Variants in TAFA2 observed in about 807,000 individuals in gnomAD.
The protein encoded by TAFA2 is TAFA chemokine like family member 2.
In TAFA2, 7 loss-of-function variants were observed where a neutral mutation model predicts 18.8. That is an observed-to-expected ratio of 0.37 (90% CI 0.21 to 0.70). The LOEUF is 0.70. TAFA2 is among the 30% of genes least tolerant of loss of function. The pLI is 0.53. For synonymous variants in TAFA2, 60 were observed against 54.2 expected, an observed-to-expected ratio of 1.11 and a Z score of -0.47; for missense variants, 122 against 158.1, an observed-to-expected ratio of 0.77 and a Z score of 1.23.
chr12:62,001,931 C>T (rs17653338), intron 1 of TAFA2, among the ~76,000 whole-genome samples: 30,713 of 152,108 alleles, frequency 0.2, 3,207 homozygotes, highest in Admixed American at 0.24. Context: ...ACAAATAAAA[C>T]TTGGAATCAA....
At chr12:62,247,795 C>T (rs758876411) in intron 1 of TAFA2, among the ~76,000 whole-genome samples, 1 of 151,492 alleles carries the variant, frequency 6.6e-6, no homozygotes. Flanking sequence ...GCAAATGACA[C>T]ATTCAGTTGT....
chr12:62,110,206 G>A (rs750386529), intron 1 of TAFA2, among the ~76,000 whole-genome samples: 75 of 151,914 alleles, frequency 4.9e-4, no homozygotes, highest in Non-Finnish European at 9.4e-4. Context: ...GAATTTTATC[G>A]AAGGCCTTTT....
chr12:61,777,436 GGA>G (rs1207146443), intron 2 of TAFA2, among the ~76,000 whole-genome samples: 1 of 151,682 alleles, frequency 6.6e-6, no homozygotes, highest in Admixed American at 6.6e-5. Flanking sequence ...ATAAATTCAG[GGA>G]GAGTCCAATT....
At chr12:61,890,021 C>G (rs1413191187) in intron 1 of TAFA2, among the ~76,000 whole-genome samples, 1 of 152,130 alleles carries the variant, frequency 6.6e-6, no homozygotes, top group Non-Finnish European at 1.5e-5. Flanking sequence ...AAATGAACAC[C>G]AAAAATAGCC....
At chr12:62,039,463 G>A (rs1054145872) in intron 1 of TAFA2, among the ~76,000 whole-genome samples, 3 of 152,194 alleles carry the variant, frequency 2.0e-5, no homozygotes, top group East Asian at 3.9e-4. Flanking sequence ...TTTTCACTGG[G>A]TTCTTACTCA....
intron 1 of TAFA2, among the ~76,000 whole-genome samples, chr12:61,886,561 C>T: frequency 6.6e-6 from 1 of 152,132 alleles, no homozygotes; most frequent in East Asian, 1.9e-4. Flanking sequence ...AGAATGGATC[C>T]TGAGAACACA....
intron 2 of TAFA2, among the ~76,000 whole-genome samples, chr12:61,799,327 C>T (rs1175597217): frequency 6.6e-6 from 1 of 152,034 alleles, no homozygotes; most frequent in Non-Finnish European, 1.5e-5. Flanking sequence ...GTGTTATTAA[C>T]CATTTAGACT....
chr12:61,984,381 C>T (rs1162610583), intron 1 of TAFA2, among the ~76,000 whole-genome samples: 1 of 152,198 alleles, frequency 6.6e-6, no homozygotes, highest in Non-Finnish European at 1.5e-5. Context: ...TTGTCATTCA[C>T]GTAGCTCTTT....
At chr12:61,948,529 T>C (rs970239343) in intron 1 of TAFA2, among the ~76,000 whole-genome samples, 3 of 152,112 alleles carry the variant, frequency 2.0e-5, no homozygotes, top group Non-Finnish European at 2.9e-5. Context: ...ACTTTAAAGA[T>C]TGACTAATAT....
In TAFA2 at chr12:62,143,430, G is replaced by A. The variant is rs370645223; in HGVS notation, c.-2+47829C>T. Among the ~76,000 whole-genome samples the A allele has an allele frequency of 8.5e-5, 13 of 152,116 alleles. No homozygotes were observed. The East Asian group carries it at 1.3e-3, about 16-fold the overall frequency. ...TAGGCCTTAAAACTAATTATAAAAC[G>A]GAATTTTTTCCCCTGCTGAAATTCT... On this transcript the variant is annotated intron_variant, in intron 1 of 4. Coordinates refer to ENST00000416284, the MANE Select transcript of TAFA2 (RefSeq NM_178539.5).
intron 1 of TAFA2, among the ~76,000 whole-genome samples, chr12:61,974,311 T>C (rs1260624159): frequency 6.6e-6 from 1 of 151,766 alleles, no homozygotes; most frequent in Non-Finnish European, 1.5e-5. Flanking sequence ...GATTAAATGA[T>C]TGAATAATTT....
intron 1 of TAFA2, among the ~76,000 whole-genome samples, chr12:61,887,712 A>G (rs1220564206): frequency 6.7e-6 from 1 of 150,264 alleles, no homozygotes; most frequent in Non-Finnish European, 1.5e-5. Flanking sequence ...GCGATAGTTT[A>G]CTGAGAATGA....
chr12:62,070,359 G>A (rs1882597839), intron 1 of TAFA2: 2 of 152,160 alleles, frequency 1.3e-5, no homozygotes, highest in South Asian at 4.1e-4. Flanking sequence ...GTGAAAAATG[G>A]CATTAAAATA....
rs191630829 is a variant in TAFA2 at position 61,779,173 on chromosome 12, C to G, written c.107-24149G>C. On this transcript the variant is annotated intron_variant, in intron 2 of 4. Transcript: ENST00000416284. ...ATGTTGCATTTAAAGGAACGTTTTT[C>G]TTCTTAAATTATGCTTAAAAGATAG... Among the ~76,000 whole-genome samples the G allele has an allele frequency of 1.5e-4, 23 of 151,886 alleles. No homozygotes were observed. The East Asian group carries it at 4.3e-3, about 28-fold the overall frequency.
At chr12:61,772,022 C>T (rs1293171071) in intron 2 of TAFA2, among the ~76,000 whole-genome samples, 1 of 151,498 alleles carries the variant, frequency 6.6e-6, no homozygotes, top group Non-Finnish European at 1.5e-5. Context: ...TCCAAATAAG[C>T]TCAATTAGAA....
At chr12:61,816,700 A>G (rs1204750938) in intron 2 of TAFA2, among the ~76,000 whole-genome samples, 1 of 151,252 alleles carries the variant, frequency 6.6e-6, no homozygotes, top group African/African-American at 2.5e-5. Context: ...TATTTTTCAG[A>G]AATTGACAAG....
At chr12:62,249,272 T>TA (rs35144994) in intron 1 of TAFA2, among the ~76,000 whole-genome samples, 46,580 of 136,892 alleles carry the variant, frequency 0.34, 8,039 homozygotes, top group East Asian at 0.52. Context: ...TTTTTTTTCC[T>TA]AAAAAAAAAA....
intron 2 of TAFA2, among the ~76,000 whole-genome samples, chr12:61,840,954 A>T (rs1327056341): frequency 6.6e-6 from 1 of 152,126 alleles, no homozygotes; most frequent in East Asian, 1.9e-4. Context: ...AAAAGTGTCA[A>T]GATCCCAGTT....
intron 4 of TAFA2, among the ~76,000 whole-genome samples, chr12:61,727,095 A>G (rs901879296): frequency 2.6e-5 from 4 of 152,044 alleles, no homozygotes; most frequent in African/African-American, 9.7e-5. Flanking sequence ...ATCATGGTGG[A>G]TTATCTTACT....
Sources: allele counts gnomAD v4.1 joint callset (sites outside exome capture counted in the v4.1 genomes callset), GRCh38; gene constraint gnomAD v4.1.1; transcripts MANE v1.5; gene names NCBI Gene and HGNC (gene_info 2026-07-23, HGNC 2026-07-21).